The following OXR1 variants were observed in gnomAD, a reference collection of about 807,000 sequenced individuals.
OXR1 encodes oxidation resistance 1.
A neutral mutation model predicts 104.6 loss-of-function variants in OXR1; 41 were observed. The observed-to-expected ratio is 0.39, with a 90% CI of 0.31 to 0.51. The LOEUF (loss-of-function observed/expected upper bound fraction) is 0.51. Among genes scored for constraint, OXR1 ranks in the 20% least tolerant of loss-of-function variants. The pLI, the probability that OXR1 is intolerant of heterozygous loss-of-function variation, is 0.77. For synonymous variants in OXR1, 348 were observed against 348.4 expected (o/e 1.00, Z 0.01); for missense variants, 955 against 1,031.9 (o/e 0.93, Z 1.02).
intron 3 of OXR1, among the ~76,000 whole-genome samples, chr8:106,569,172 G>A (rs999299945): frequency 6.6e-6 from 1 of 151,898 alleles, no homozygotes; most frequent in African/African-American, 2.4e-5. Flanking sequence ...TTCCTACTTT[G>A]ACTTGTCAGG....
intron 1 of OXR1, among the ~76,000 whole-genome samples, chr8:106,336,511 A>G (rs1814972232): frequency 6.6e-6 from 1 of 152,220 alleles, no homozygotes; most frequent in African/African-American, 2.4e-5. Context: ...CCTTTGTAAC[A>G]TATTGCTACC....
At position 106,752,650 on chromosome 8, in the gene OXR1, G is replaced by C. The variant is rs1428868396; in HGVS notation, c.*1709G>C. 1 of 152,288 alleles carries C rather than the reference G, an allele frequency of 6.6e-6. No homozygotes were observed. Among genetic ancestry groups the C allele is most frequent in the Non-Finnish European group, 1.5e-5 (1 of 67,928 alleles). 9.4% of individuals were successfully genotyped at this position (152,288 alleles called of 1,614,324 possible). On this transcript the variant is annotated 3_prime_UTR_variant, in exon 17 of 17. Coordinates refer to ENST00000517566, the MANE Select transcript of OXR1 (RefSeq NM_001198533.2). ...TGTAATGGATTTCTACTAAAATAAG[G>C]TCATAGTGGCATATACCAAATAAAA... is the stretch of plus-strand genomic sequence containing the variant.
chr8:106,314,890 C>G (rs1334987338), intron 1 of OXR1, among the ~76,000 whole-genome samples: 1 of 152,110 alleles, frequency 6.6e-6, no homozygotes, highest in African/African-American at 2.4e-5. Context: ...GGTATAGACA[C>G]TCAGAATTTT....
intron 3 of OXR1, among the ~76,000 whole-genome samples, chr8:106,616,031 T>C (rs13271508): frequency 3.0e-3 from 1 of 338 alleles, no homozygotes; most frequent in South Asian, 0.083. Flanking sequence ...AAACACCTTC[T>C]TTTTTTTTTT....
intron 2 of OXR1, among the ~76,000 whole-genome samples, chr8:106,494,267 GT>G (rs1811281732): frequency 6.6e-6 from 1 of 152,096 alleles, no homozygotes; most frequent in Admixed American, 6.6e-5. Flanking sequence ...GTAGCATCAA[GT>G]TTTTGCAGTA....
At chr8:106,442,607 C>A (rs1266628475) in intron 2 of OXR1, among the ~76,000 whole-genome samples, 1 of 152,104 alleles carries the variant, frequency 6.6e-6, no homozygotes, top group Non-Finnish European at 1.5e-5. Flanking sequence ...TATTACTGAT[C>A]TATTCAGGGA....
intron 2 of OXR1, among the ~76,000 whole-genome samples, chr8:106,376,586 T>C (rs555363477): frequency 2.4e-4 from 37 of 152,364 alleles, no homozygotes; most frequent in Non-Finnish European, 2.4e-4. Flanking sequence ...TCCTTTAGTT[T>C]GAAAATGATG....
At chr8:106,715,698 G>A (rs1211060264) in intron 11 of OXR1, among the ~76,000 whole-genome samples, 1 of 152,080 alleles carries the variant, frequency 6.6e-6, no homozygotes, top group Non-Finnish European at 1.5e-5. Context: ...AGAATTGTCA[G>A]TCATGAACGG....
chr8:106,470,513 A>T (rs892833424), intron 2 of OXR1, among the ~76,000 whole-genome samples: 3 of 151,782 alleles, frequency 2.0e-5, no homozygotes, highest in Admixed American at 2.0e-4. Flanking sequence ...GGGAAATAAA[A>T]GTTTAGTTTG....
intron 1 of OXR1, among the ~76,000 whole-genome samples, chr8:106,322,878 A>G (rs79156072): frequency 0.34 from 51,599 of 152,028 alleles, 11,280 homozygotes; most frequent in African/African-American, 0.63. Context: ...CCTCAAAGAA[A>G]TCAGAGAAGA....
chr8:106,707,625 C>G (rs184973301), intron 9 of OXR1: 1 of 176,628 alleles, frequency 5.7e-6, no homozygotes, highest in Non-Finnish European at 1.2e-5. Context: ...GTTTCATCAT[C>G]ATCATCTAAT....
At chr8:106,420,428 C>T (rs929558417) in intron 2 of OXR1, among the ~76,000 whole-genome samples, 6 of 151,746 alleles carry the variant, frequency 4.0e-5, no homozygotes, top group Admixed American at 2.0e-4. Context: ...TCCAATTTTA[C>T]AGTTACTTAG....
chr8:106,606,885 G>C (rs1563638893), intron 3 of OXR1, among the ~76,000 whole-genome samples: 1 of 152,170 alleles, frequency 6.6e-6, no homozygotes, highest in South Asian at 2.1e-4. Flanking sequence ...AGGAATGGTA[G>C]TTTTTGCTGT....
intron 3 of OXR1, among the ~76,000 whole-genome samples, chr8:106,634,016 T>A (rs1227233043): frequency 6.6e-6 from 1 of 152,228 alleles, no homozygotes; most frequent in Non-Finnish European, 1.5e-5. Context: ...TAATCTCCCT[T>A]GGTTTTCTAA....
intron 1 of OXR1, among the ~76,000 whole-genome samples, chr8:106,316,964 G>A (rs988089878): frequency 3.9e-5 from 6 of 151,992 alleles, no homozygotes; most frequent in East Asian, 1.9e-4. Flanking sequence ...CTCGCCTCCC[G>A]GGTTCAAGTG....
intron 1 of OXR1, among the ~76,000 whole-genome samples, chr8:106,347,641 G>A (rs57377985): frequency 0.36 from 54,460 of 151,650 alleles, 10,081 homozygotes; most frequent in Admixed American, 0.44. Context: ...ATTAGTAAAA[G>A]CCAGATCAAA....
At position 106,528,625 on chromosome 8, in the gene OXR1, C is replaced by A. The variant is rs1282848119; in HGVS notation, c.220+9486C>A. Among the ~76,000 whole-genome samples, 10 of 152,132 alleles carry A rather than the reference C, an allele frequency of 6.6e-5. 1 individual carries two copies. Among genetic ancestry groups the A allele is most frequent in the Non-Finnish European group, 1.5e-4 (10 of 68,016 alleles). On this transcript the variant is annotated intron_variant, in intron 3 of 16. Coordinates refer to ENST00000517566, the MANE Select transcript of OXR1 (RefSeq NM_001198533.2). ...CTTTTTAATTGCAGTACACCAGACA[C>A]TTTAAAATATCATCACATAACTTGT... is the stretch of plus-strand genomic sequence containing the variant.
At chr8:106,729,077 T>C (rs2131509140) in intron 11 of OXR1, among the ~76,000 whole-genome samples, 1 of 152,284 alleles carries the variant, frequency 6.6e-6, no homozygotes, top group East Asian at 1.9e-4. Flanking sequence ...AGATAATAAC[T>C]ATAATGATAA....
intron 2 of OXR1, among the ~76,000 whole-genome samples, chr8:106,388,673 C>T (rs1198717794): frequency 3.3e-5 from 5 of 152,196 alleles, no homozygotes; most frequent in African/African-American, 4.8e-5. Context: ...CCGCCCGCCT[C>T]GGCCTCCCAA....
Sources: allele counts gnomAD v4.1 joint callset (sites outside exome capture counted in the v4.1 genomes callset), GRCh38; gene constraint gnomAD v4.1.1; transcripts MANE v1.5; gene names NCBI Gene and HGNC (gene_info 2026-07-23, HGNC 2026-07-21).